Variants in MET observed in about 807,000 individuals in gnomAD.
MET encodes the protein MET proto-oncogene, receptor tyrosine kinase.
In MET, 48 loss-of-function variants were observed where a neutral mutation model predicts 133.1. That is an observed-to-expected ratio of 0.36 (90% confidence interval 0.29 to 0.46). MET has a LOEUF of 0.46. Ranked by LOEUF, MET falls within the 20% of genes least tolerant of loss-of-function variation. MET has a pLI of 1.00. For missense variants in MET, 1,442 were observed against 1,695.9 expected, an observed-to-expected ratio of 0.85 and a Z score of 2.63; for synonymous variants, 628 against 616.5, an observed-to-expected ratio of 1.02 and a Z score of -0.28.
intron 1 of MET, among the ~76,000 whole-genome samples, chr7:116,686,869 G>A (rs1796579293): frequency 6.6e-6 from 1 of 152,178 alleles, no homozygotes; most frequent in South Asian, 2.1e-4. Context: ...CAAAGTGTCT[G>A]TCCCCTACCT....
intron 17 of MET, 71 bp downstream of exon 17, chr7:116,779,028 C>T: frequency 1.3e-6 from 2 of 1,486,904 alleles, no homozygotes; most frequent in Non-Finnish European, 1.9e-6. Flanking sequence ...AATAGGCCTG[C>T]TCTGAGTCTT....
chr7:116,702,221 T>C (rs1211761117), intron 2 of MET, among the ~76,000 whole-genome samples: 1 of 152,124 alleles, frequency 6.6e-6, no homozygotes, highest in Non-Finnish European at 1.5e-5. Flanking sequence ...CAAAAATTCT[T>C]GCGGGAAACA....
At chr7:116,752,063 TAAAA>T (rs922068583) in intron 5 of MET, among the ~76,000 whole-genome samples, 9 of 149,212 alleles carry the variant, frequency 6.0e-5, no homozygotes, top group Middle Eastern at 3.4e-3. Flanking sequence ...TCTGTCTCAA[TAAAA>T]AAAAAGAAAG....
At chr7:116,710,913 G>A (rs1024344425) in intron 2 of MET, among the ~76,000 whole-genome samples, 2 of 152,142 alleles carry the variant, frequency 1.3e-5, no homozygotes, top group Non-Finnish European at 2.9e-5. Flanking sequence ...CTTTAGATAT[G>A]AAAGCTTCCC....
chr7:116,672,289 C>T lies in MET; in HGVS notation c.-303C>T, dbSNP rs532631008. On this transcript the variant is annotated 5_prime_UTR_variant, in exon 1 of 21. Coordinates refer to ENST00000397752, the MANE Select transcript of MET (RefSeq NM_000245.4). Reference sequence around the variant, plus strand: ...CGCCCGGGCCGCCGCGGGCCGCGCGCGCCGATGCCCGGCTGAGTCACTGGC... The same window carrying T: ...CGCCCGGGCCGCCGCGGGCCGCGCGTGCCGATGCCCGGCTGAGTCACTGGC... The T allele has an allele frequency of 1.6e-5, 3 of 186,266 alleles. No homozygotes were observed. The highest frequency in any genetic ancestry group is 3.0e-4 in the East Asian group (2 of 6,668). 11.5% of individuals were successfully genotyped at this position (186,266 alleles called of 1,614,324 possible).
intron 2 of MET, among the ~76,000 whole-genome samples, chr7:116,718,420 TAAATA>T (rs1331541903): frequency 6.6e-6 from 1 of 151,706 alleles, no homozygotes; most frequent in Admixed American, 6.6e-5. Flanking sequence ...TTTTAAAAAA[TAAATA>T]AAATAAATAA....
chr7:116,674,620 A>G (rs1796088074), intron 1 of MET, among the ~76,000 whole-genome samples: 1 of 152,218 alleles, frequency 6.6e-6, no homozygotes, highest in South Asian at 2.1e-4. Context: ...AGGAGCTAAC[A>G]TCCTCTAACT....
chr7:116,758,776 C>A (rs1794285839), intron 9 of MET, among the ~76,000 whole-genome samples, 156 bp downstream of exon 9: 1 of 152,188 alleles, frequency 6.6e-6, no homozygotes, highest in African/African-American at 2.4e-5. Flanking sequence ...AAACTATATT[C>A]AGGTTCTGAG....
chr7:116,729,476 C>T (rs1159957778), intron 2 of MET, among the ~76,000 whole-genome samples: 2 of 152,152 alleles, frequency 1.3e-5, no homozygotes, highest in African/African-American at 2.4e-5. Flanking sequence ...AGAAGGATAA[C>T]TAAACTTTTA....
At chr7:116,694,952 T>C (rs370080621) in intron 1 of MET, among the ~76,000 whole-genome samples, 13 of 152,308 alleles carry the variant, frequency 8.5e-5, no homozygotes, top group East Asian at 5.8e-4. Flanking sequence ...CCCAAAGTGC[T>C]AGGATTACAG....
At chr7:116,790,304 C>T (rs1795444083) in intron 19 of MET, among the ~76,000 whole-genome samples, 2 of 152,186 alleles carry the variant, frequency 1.3e-5, no homozygotes, top group African/African-American at 4.8e-5. Context: ...AACCACAATT[C>T]TACTTTGTCT....
At chr7:116,785,198 C>T (rs1402358414) in intron 19 of MET, among the ~76,000 whole-genome samples, 3 of 152,334 alleles carry the variant, frequency 2.0e-5, no homozygotes, top group East Asian at 1.9e-4. Context: ...CTGCTTTCAT[C>T]GGCTGGCATT....
chr7:116,755,038 A>AAGAAAGAAAG (rs1219970078), intron 5 of MET, among the ~76,000 whole-genome samples: 6 of 151,808 alleles, frequency 4.0e-5, no homozygotes, highest in Admixed American at 3.9e-4. Context: ...GAAAGAAAGA[A>AAGAAAGAAAG]AGAAAAGAAA....
chr7:116,793,686 G>A (rs867933645), intron 19 of MET, among the ~76,000 whole-genome samples: 5 of 151,790 alleles, frequency 3.3e-5, no homozygotes, highest in Admixed American at 1.3e-4. Context: ...ATCACCTGAG[G>A]TCAGGAGTTA....
intron 2 of MET, among the ~76,000 whole-genome samples, chr7:116,716,022 G>T (rs38853): frequency 2.6e-5 from 4 of 151,860 alleles, no homozygotes; most frequent in Non-Finnish European, 5.9e-5. Flanking sequence ...AGGTCGAGGT[G>T]GAAGGATTGC....
chr7:116,754,679 TG>T (rs1794057003), intron 5 of MET, among the ~76,000 whole-genome samples: 1 of 149,186 alleles, frequency 6.7e-6, no homozygotes, highest in Admixed American at 6.7e-5. Flanking sequence ...TAGCCAAGCA[TG>T]GTGGCCCACG....
chr7:116,729,241 A>G (rs1204499611), intron 2 of MET, among the ~76,000 whole-genome samples: 1 of 152,256 alleles, frequency 6.6e-6, no homozygotes, highest in Non-Finnish European at 1.5e-5. Flanking sequence ...TAATATATCA[A>G]AGTAAATGAC....
At chr7:116,692,232 T>A (rs1184016460) in intron 1 of MET, among the ~76,000 whole-genome samples, 1 of 152,164 alleles carries the variant, frequency 6.6e-6, no homozygotes, top group Non-Finnish European at 1.5e-5. Context: ...TATAAGGTAA[T>A]CATGATTAGA....
In MET at chr7:116,753,725, A is replaced by T. The variant is rs192424541; in HGVS notation, c.1702-1630A>T. On this transcript the variant is annotated intron_variant, in intron 5 of 20. Coordinates refer to ENST00000397752, the MANE Select transcript of MET (RefSeq NM_000245.4). The stretch of plus-strand genomic sequence containing the variant: ...TTTTTATCTATTTCTAAAAGAAACA[A>T]CATAACACATGTATTAAATATTACA... Among the ~76,000 whole-genome samples the T allele has an allele frequency of 5.7e-3, 867 of 152,340 alleles. 2 individuals are homozygous for T. The highest frequency in any genetic ancestry group is 9.0e-3 in the Non-Finnish European group (610 of 68,036).
Sources: gnomAD v4.1 joint callset for allele counts (sites outside exome capture counted in the v4.1 genomes callset) on GRCh38, gnomAD v4.1.1 for gene constraint, MANE v1.5 for transcripts, NCBI Gene and HGNC (gene_info 2026-07-23, HGNC 2026-07-21) for gene names.